RBM33: variants seen among roughly 807,000 people sequenced by gnomAD.
RBM33 encodes the protein RNA binding motif protein 33.
Under a neutral mutation model 132.6 loss-of-function variants are expected in RBM33, and 28 were observed. The ratio of observed to expected loss-of-function variants is 0.21; its 90% CI spans 0.16 to 0.29. The LOEUF (loss-of-function observed/expected upper bound fraction) is 0.29, where lower values mean the gene tolerates loss of function less well. Among genes scored for constraint, RBM33 ranks in the 10% least tolerant of loss-of-function variants. RBM33 has a pLI of 1.00. For synonymous variants in RBM33, 634 were observed against 593.0 expected, an observed-to-expected ratio of 1.07 and a Z score of -1.01; for missense variants, 1,291 against 1,518.5, an observed-to-expected ratio of 0.85 and a Z score of 2.49.
At chr7:155,737,391 A>G in intron 9 of RBM33, 139 bp from the exon 10 acceptor site, 1 of 676,418 alleles carries the variant, frequency 1.5e-6, no homozygotes, top group East Asian at 3.4e-5. Context: ...GTGTGTAGAA[A>G]GAGAAAGACA....
chr7:155,716,946 T>C (rs569121375), intron 8 of RBM33, among the ~76,000 whole-genome samples: 4 of 152,298 alleles, frequency 2.6e-5, no homozygotes, highest in African/African-American at 7.2e-5. Flanking sequence ...ACACAGGCCA[T>C]GTATGCTATC....
At chr7:155,728,416 A>C (rs1800855250) in intron 9 of RBM33, among the ~76,000 whole-genome samples, 1 of 152,120 alleles carries the variant, frequency 6.6e-6, no homozygotes, top group South Asian at 2.1e-4. Flanking sequence ...TAGCGTGTAC[A>C]TACTCCAGGC....
intron 3 of RBM33, among the ~76,000 whole-genome samples, chr7:155,673,768 G>GCACACACACACACACACACACACACA (rs369116329): frequency 3.8e-5 from 5 of 132,962 alleles, no homozygotes; most frequent in Non-Finnish European, 7.7e-5. Context: ...GCGCATGCGC[G>GCACACACACACACACACACACACACA]CACACACACA....
chr7:155,764,402 C>T (rs568481487), intron 15 of RBM33, among the ~76,000 whole-genome samples: 1 of 152,300 alleles, frequency 6.6e-6, no homozygotes, highest in African/African-American at 2.4e-5. Context: ...AGTGCATGCT[C>T]ATGGCCCCAG....
intron 14 of RBM33, among the ~76,000 whole-genome samples, chr7:155,757,263 C>G (rs2117056247): frequency 6.6e-6 from 1 of 152,224 alleles, no homozygotes; most frequent in African/African-American, 2.4e-5. Context: ...AGTTCACATT[C>G]TAGTGTGAAC....
At chr7:155,762,710 G>A (rs757369893) in intron 14 of RBM33, among the ~76,000 whole-genome samples, 2 of 152,208 alleles carry the variant, frequency 1.3e-5, no homozygotes, top group Non-Finnish European at 2.9e-5. Flanking sequence ...CGGGACACAA[G>A]GATATGTGGG....
Position 155,738,428 on chromosome 7 carries a change from A to G in RBM33, c.1737+25A>G, listed in dbSNP as rs1476051811. On this transcript the variant is annotated intron_variant, in intron 11 of 17. Coordinates refer to ENST00000401878, the MANE Select transcript of RBM33 (RefSeq NM_053043.3). ...GGTAATGCATCCTGAGTGAACCTCCAGGGAAAAAATGTGTAGCTTCAAGGC... is the reference window on the plus strand; with the variant it reads ...GGTAATGCATCCTGAGTGAACCTCCGGGGAAAAAATGTGTAGCTTCAAGGC... The G allele has an allele frequency of 5.1e-6, 8 of 1,582,512 alleles. No homozygotes were observed. In the African/African-American group the frequency reaches 6.8e-5, roughly 13 times the overall value.
chr7:155,673,246 T>C (rs1798994253), intron 3 of RBM33, among the ~76,000 whole-genome samples: 1 of 152,132 alleles, frequency 6.6e-6, no homozygotes, highest in Non-Finnish European at 1.5e-5. Context: ...GCATACTTGT[T>C]CTGGATTTCA....
intron 1 of RBM33, among the ~76,000 whole-genome samples, chr7:155,659,123 A>G (rs1018827348): frequency 6.6e-6 from 1 of 152,242 alleles, no homozygotes; most frequent in African/African-American, 2.4e-5. Flanking sequence ...CTGGGGAAGG[A>G]GAATCTGGTT....
At chr7:155,687,372 A>G (rs1224590889) in intron 5 of RBM33, among the ~76,000 whole-genome samples, 1 of 152,186 alleles carries the variant, frequency 6.6e-6, no homozygotes, top group Non-Finnish European at 1.5e-5. Flanking sequence ...CATTCTGGAT[A>G]TTAGCCCTTT....
At position 155,739,828 on chromosome 7, in the gene RBM33, C is replaced by A. The variant is rs771756729; in HGVS notation, c.1851C>A (p.Pro617=). 2 of 1,309,594 alleles carry A rather than the reference C, an allele frequency of 1.5e-6. No homozygotes were observed. The highest frequency in any genetic ancestry group is 1.5e-5 in the African/African-American group (1 of 66,370). The allele number at this position is 1,309,594 out of a possible 1,614,324, so 81.1% of individuals were successfully genotyped here. A position where few individuals can be genotyped will look rare whatever the true frequency, so the allele number is the denominator to read the frequency against. The change falls in exon 12 of 18, where the codon CCC becomes CCA. Residue 617 remains proline (P), a synonymous_variant. Transcript: ENST00000401878. ...PPHQPPHQPP[P]QHQPPPQHPP... Reference sequence around the variant, plus strand: ...ACCAGCCCCCGCACCAGCCCCCGCCCCAGCACCAGCCCCCACCCCAGCACC... The same window carrying A: ...ACCAGCCCCCGCACCAGCCCCCGCCACAGCACCAGCCCCCACCCCAGCACC...
At chr7:155,771,569 C>G (rs888083603) in intron 16 of RBM33, among the ~76,000 whole-genome samples, 7 of 152,006 alleles carry the variant, frequency 4.6e-5, no homozygotes, top group Admixed American at 4.6e-4. Context: ...TTTTAAGCTA[C>G]GTAGATTACA....
chr7:155,706,723 C>A, intron 6 of RBM33, 137 bp from the exon 7 acceptor site: 1 of 651,986 alleles, frequency 1.5e-6, no homozygotes, highest in Non-Finnish European at 2.7e-6. Flanking sequence ...CTTGCCGCTG[C>A]TAGTTGGGTG....
chr7:155,774,905 C>A lies in RBM33; in HGVS notation c.3465-88C>A. On this transcript the variant is annotated intron_variant, in intron 17 of 17. Transcript: ENST00000401878. The surrounding 1 kb of genome is among the most constrained non-coding windows in gnomAD (Gnocchi z 4.2). ...TGATGCGTTTTTATTAAACAGGACC[C>A]ACCGGGCTCTTTTAGTTTCCTCCCA... The A allele has an allele frequency of 8.4e-7, 1 of 1,186,160 alleles. No individual in the cohort carries two copies. The highest frequency in any genetic ancestry group is 1.3e-6 in the Non-Finnish European group (1 of 796,466). The allele number at this position is 1,186,160 out of a possible 1,614,324, so 73.5% of individuals were successfully genotyped here.
chr7:155,682,882 A>G (rs745527117), intron 5 of RBM33, among the ~76,000 whole-genome samples: 19 of 152,220 alleles, frequency 1.2e-4, no homozygotes, highest in Non-Finnish European at 2.8e-4. Context: ...AATAAAATCC[A>G]ACTTAATTAT....
chr7:155,738,044 T>A lies in RBM33; in HGVS notation c.1394-16T>A, dbSNP rs368572369. 99 of 1,601,324 alleles carry A rather than the reference T, an allele frequency of 6.2e-5. No individual in the cohort carries two copies. In the Middle Eastern group the frequency reaches 1.2e-3, roughly 19 times the overall value. ...TCTTTTTAACCTGAAGTTAATGATG[T>A]TGTGTTACCTTTCAGTTTCAGGTGA... is the stretch of plus-strand genomic sequence containing the variant. On this transcript the variant is annotated splice_polypyrimidine_tract_variant and intron_variant, in intron 10 of 17. Transcript: ENST00000401878.
chr7:155,655,012 G>A (rs1798453894), intron 1 of RBM33, among the ~76,000 whole-genome samples: 1 of 152,130 alleles, frequency 6.6e-6, no homozygotes, highest in Non-Finnish European at 1.5e-5. Context: ...TCATGTATTA[G>A]TTTGGTATAG....
Position 155,774,520 on chromosome 7 carries a change from T to C in RBM33, c.3376-39T>C, listed in dbSNP as rs1214275705. The C allele has an allele frequency of 7.0e-7, 1 of 1,425,450 alleles. No individual in the cohort carries two copies. The highest frequency in any genetic ancestry group is 9.9e-7 in the Non-Finnish European group (1 of 1,008,458). 88.3% of individuals were successfully genotyped at this position (1,425,450 alleles called of 1,614,324 possible). A position where few individuals can be genotyped will look rare whatever the true frequency, so the allele number is the denominator to read the frequency against. On this transcript the variant is annotated intron_variant, in intron 16 of 17. Transcript: ENST00000401878. The surrounding 1 kb of genome is among the most constrained non-coding windows in gnomAD (Gnocchi z 4.2). ...TATATATTCATATTTTTTATTGTCA[T>C]TTACAACTGATCTTAAAGTGTTTGT...
rs747095264 is a variant in RBM33, at chr7:155,777,017, G to A, written c.*1976G>A. On this transcript the variant is annotated 3_prime_UTR_variant, in exon 18 of 18. Transcript: ENST00000401878. ...CTACCGACTTACTTTATCATTGAGG[G>A]CTTACTGATACAATGAAATGAGTTT... 6.6e-6 allele frequency: 1 copy of A among 152,162 alleles called. No individual in the cohort carries two copies. The highest frequency in any genetic ancestry group is 1.5e-5 in the Non-Finnish European group (1 of 68,006). 9.4% of individuals were successfully genotyped at this position (152,162 alleles called of 1,614,324 possible). A position where few individuals can be genotyped will look rare whatever the true frequency, so the allele number is the denominator to read the frequency against.
Sources: allele counts gnomAD v4.1 joint callset (sites outside exome capture counted in the v4.1 genomes callset), GRCh38; gene constraint gnomAD v4.1.1; non-coding constraint Gnocchi (gnomAD v3.1); transcripts MANE v1.5; gene names NCBI Gene and HGNC (gene_info 2026-07-23, HGNC 2026-07-21).